The following NEGR1 variants were observed in gnomAD, a reference collection of about 807,000 sequenced individuals.
NEGR1 encodes IgLON family member 4.
In NEGR1, 10 loss-of-function variants were observed where a neutral mutation model predicts 40.9. The observed-to-expected ratio is 0.24, with a 90% CI of 0.15 to 0.42. The LOEUF is 0.42. Among genes scored for constraint, NEGR1 ranks in the 10% least tolerant of loss-of-function variants. The pLI, the probability that NEGR1 is intolerant of heterozygous loss-of-function variation, is 1.00. For missense variants in NEGR1, 352 were observed against 438.9 expected (o/e 0.80, Z 1.77); for synonymous variants, 185 against 166.8 (o/e 1.11, Z -0.84).
intron 1 of NEGR1, among the ~76,000 whole-genome samples, chr1:72,174,070 A>T (rs1455448596): frequency 6.6e-6 from 1 of 152,052 alleles, no homozygotes; most frequent in Non-Finnish European, 1.5e-5. Flanking sequence ...TAACATGGAC[A>T]TCCCAATCGT....
chr1:71,709,083 A>G (rs543831532), intron 3 of NEGR1, among the ~76,000 whole-genome samples: 4 of 152,310 alleles, frequency 2.6e-5, no homozygotes, highest in Non-Finnish European at 4.4e-5. Context: ...TTATAATAGA[A>G]TGATTTATAT....
In NEGR1 at chr1:72,125,185, T is replaced by A. The variant is rs561654421; in HGVS notation, c.176+157134A>T. ...GATCACACCTCATTCAAAGTTCGTA[T>A]CTATCTAAGAAAAATACACAAATAT... is the stretch of plus-strand genomic sequence containing the variant. On this transcript the variant is annotated intron_variant, in intron 1 of 6. Coordinates refer to ENST00000357731, the MANE Select transcript of NEGR1 (RefSeq NM_173808.3). 2.0e-5 allele frequency among the ~76,000 whole-genome samples: 3 copies of A among 152,102 alleles called. No individual in the cohort carries two copies. The South Asian group carries it at 6.2e-4, about 32-fold the overall frequency.
At chr1:72,003,286 T>C (rs1557478559) in intron 1 of NEGR1, among the ~76,000 whole-genome samples, 2 of 151,694 alleles carry the variant, frequency 1.3e-5, no homozygotes, top group Middle Eastern at 3.4e-3. Context: ...TATTGACTTT[T>C]ACGGCTTTGT....
intron 6 of NEGR1, among the ~76,000 whole-genome samples, chr1:71,486,003 A>C (rs917643000): frequency 6.6e-6 from 1 of 151,696 alleles, no homozygotes; most frequent in African/African-American, 2.4e-5. Flanking sequence ...AGAAATTGCC[A>C]AACTGTCTTC....
At chr1:71,521,731 G>C (rs1434644503) in intron 6 of NEGR1, among the ~76,000 whole-genome samples, 1 of 151,930 alleles carries the variant, frequency 6.6e-6, no homozygotes, top group East Asian at 1.9e-4. Flanking sequence ...CAAGGGATTA[G>C]TACAAATAAT....
intron 1 of NEGR1, among the ~76,000 whole-genome samples, chr1:72,106,883 T>G (rs541217538): frequency 6.6e-6 from 1 of 151,922 alleles, no homozygotes; most frequent in Non-Finnish European, 1.5e-5. Flanking sequence ...GATACAGATA[T>G]AGATATATGA....
At chr1:71,650,464 G>A (rs930317083) in intron 4 of NEGR1, among the ~76,000 whole-genome samples, 1 of 152,118 alleles carries the variant, frequency 6.6e-6, no homozygotes, top group African/African-American at 2.4e-5. Flanking sequence ...ATTTTAAAAA[G>A]TACATTGAAC....
chr1:71,788,662 G>A (rs1432499975), intron 2 of NEGR1, among the ~76,000 whole-genome samples: 1 of 151,660 alleles, frequency 6.6e-6, no homozygotes. Flanking sequence ...GATACGTACT[G>A]TATTGAATAC....
At chr1:71,681,108 G>T (rs150004965) in intron 4 of NEGR1, among the ~76,000 whole-genome samples, 3 of 152,338 alleles carry the variant, frequency 2.0e-5, no homozygotes, top group African/African-American at 7.2e-5. Context: ...TGATTATCAA[G>T]TCTGTGAACA....
intron 1 of NEGR1, among the ~76,000 whole-genome samples, chr1:72,103,376 T>G (rs1241823363): frequency 6.6e-6 from 1 of 152,100 alleles, no homozygotes; most frequent in Non-Finnish European, 1.5e-5. Context: ...ATTAATGATT[T>G]AATAAAAAGC....
At chr1:71,597,470 C>CTGTGTGTGTGTGTGTG (rs1365847832) in intron 5 of NEGR1, among the ~76,000 whole-genome samples, 3 of 24,792 alleles carry the variant, frequency 1.2e-4, no homozygotes, top group Admixed American at 1.1e-3. Flanking sequence ...CTCTCTCTCT[C>CTGTGTGTGTGTGTGTG]TCTGTGTGTG....
intron 1 of NEGR1, among the ~76,000 whole-genome samples, chr1:72,123,987 T>A (rs1649906885): frequency 6.6e-6 from 1 of 152,048 alleles, no homozygotes; most frequent in African/African-American, 2.4e-5. Flanking sequence ...GAGTTATGTA[T>A]AAATCACCGT....
intron 1 of NEGR1, among the ~76,000 whole-genome samples, chr1:72,243,233 C>T (rs1016042139): frequency 6.6e-6 from 1 of 151,704 alleles, no homozygotes; most frequent in African/African-American, 2.4e-5. Context: ...ATTAAAATCA[C>T]TGAATGTGTT....
At chr1:71,973,216 T>A (rs996578356) in intron 1 of NEGR1, among the ~76,000 whole-genome samples, 3 of 150,778 alleles carry the variant, frequency 2.0e-5, no homozygotes, top group African/African-American at 7.3e-5. Flanking sequence ...CTCTGGAAGC[T>A]GAGGCAGGAG....
chr1:71,670,941 C>T (rs1322627167), intron 4 of NEGR1, among the ~76,000 whole-genome samples: 1 of 151,962 alleles, frequency 6.6e-6, no homozygotes, highest in Non-Finnish European at 1.5e-5. Flanking sequence ...GCCTCAGTGG[C>T]TTTTTGATGC....
intron 1 of NEGR1, among the ~76,000 whole-genome samples, chr1:72,249,921 C>T (rs1179384702): frequency 2.6e-5 from 4 of 152,142 alleles, no homozygotes; most frequent in African/African-American, 9.7e-5. Context: ...TTTGATAGCT[C>T]TGTATTTGTA....
chr1:71,980,882 C>T (rs1646348327), intron 1 of NEGR1, among the ~76,000 whole-genome samples: 2 of 152,052 alleles, frequency 1.3e-5, no homozygotes, highest in Admixed American at 1.3e-4. Flanking sequence ...ATGTTCTCAC[C>T]ATCCTTCTTT....
At chr1:71,842,291 T>C (rs187799939) in intron 2 of NEGR1, among the ~76,000 whole-genome samples, 1 of 152,284 alleles carries the variant, frequency 6.6e-6, no homozygotes, top group East Asian at 1.9e-4. Flanking sequence ...CTGGTGATTC[T>C]TTTGAAGGGG....
intron 1 of NEGR1, among the ~76,000 whole-genome samples, chr1:72,020,595 A>G (rs897795790): frequency 1.4e-5 from 2 of 145,298 alleles, no homozygotes; most frequent in African/African-American, 2.4e-5. Flanking sequence ...AAAGTCAAAC[A>G]ACAGAAAAAG....
Sources: allele counts gnomAD v4.1 joint callset (sites outside exome capture counted in the v4.1 genomes callset), GRCh38; gene constraint gnomAD v4.1.1; transcripts MANE v1.5; gene names NCBI Gene and HGNC (gene_info 2026-07-23, HGNC 2026-07-21).